Variants in ADAMTS6 observed in about 807,000 individuals in gnomAD.
ADAMTS6 encodes ADAM metallopeptidase with thrombospondin type 1 motif 6, also known as A disintegrin and metalloproteinase with thrombospondin motifs 6.
Under a neutral mutation model 144.3 loss-of-function variants are expected in ADAMTS6, and 23 were observed. The observed-to-expected ratio is 0.16, with a 90% CI of 0.11 to 0.23. The LOEUF (loss-of-function observed/expected upper bound fraction) is 0.23, where lower values mean the gene tolerates loss of function less well. Among genes scored for constraint, ADAMTS6 ranks in the 10% least tolerant of loss-of-function variants. ADAMTS6 has a pLI of 1.00. For synonymous variants in ADAMTS6, 444 were observed against 457.5 expected (o/e 0.97, Z 0.38); for missense variants, 999 against 1,379.6 (o/e 0.72, Z 4.37).
intron 7 of ADAMTS6, among the ~76,000 whole-genome samples, chr5:65,406,480 C>G (rs1411406917): frequency 6.6e-6 from 1 of 152,176 alleles, no homozygotes; most frequent in Non-Finnish European, 1.5e-5. Flanking sequence ...ACAAGCCTTG[C>G]ATCCCAGGGA....
chr5:65,417,629 T>C (rs769466805), intron 7 of ADAMTS6, among the ~76,000 whole-genome samples: 2 of 152,018 alleles, frequency 1.3e-5, no homozygotes, highest in Non-Finnish European at 2.9e-5. Context: ...CCACTTACAA[T>C]AGCCACATGC....
At chr5:65,406,283 T>C (rs1185046524) in intron 7 of ADAMTS6, among the ~76,000 whole-genome samples, 4 of 152,300 alleles carry the variant, frequency 2.6e-5, no homozygotes, top group South Asian at 2.1e-4. Context: ...GGCTGTGGGT[T>C]TGTCATAAAT....
chr5:65,255,431 A>G (rs181380185), intron 14 of ADAMTS6, among the ~76,000 whole-genome samples: 142 of 152,194 alleles, frequency 9.3e-4, no homozygotes, highest in African/African-American at 3.3e-3. Flanking sequence ...CAAGCCCTCA[A>G]AGTCCATTGC....
chr5:65,339,560 AT>A (rs1297782183), intron 7 of ADAMTS6, among the ~76,000 whole-genome samples: 13 of 152,128 alleles, frequency 8.5e-5, no homozygotes, highest in Admixed American at 7.8e-4. Flanking sequence ...ATTCAAAAAA[AT>A]AATCTTAAGG....
At chr5:65,192,862 A>G (rs1272802521) in intron 21 of ADAMTS6, among the ~76,000 whole-genome samples, 1 of 151,632 alleles carries the variant, frequency 6.6e-6, no homozygotes, top group Admixed American at 6.6e-5. Flanking sequence ...TGTTTTGTCT[A>G]TTTTTCCTAG....
chr5:65,470,692 A>ATT (rs869036346), intron 3 of ADAMTS6, 86 bp downstream of exon 3: 763 of 994,674 alleles, frequency 7.7e-4, no homozygotes, highest in Admixed American at 1.1e-3. Context: ...ATATATATAT[A>ATT]TTTTTTTTTT....
At chr5:65,309,446 G>A (rs1234330054) in intron 9 of ADAMTS6, among the ~76,000 whole-genome samples, 2 of 147,728 alleles carry the variant, frequency 1.4e-5, no homozygotes, top group African/African-American at 5.0e-5. Flanking sequence ...AGGCAGTAAT[G>A]TGGGCAATGT....
chr5:65,435,630 TA>T (rs1757330818), intron 7 of ADAMTS6, among the ~76,000 whole-genome samples: 1 of 129,288 alleles, frequency 7.7e-6, no homozygotes, highest in African/African-American at 2.7e-5. Flanking sequence ...AATTATATTT[TA>T]ATTTTTTTTT....
At chr5:65,253,218 C>T (rs1220501099) in intron 14 of ADAMTS6, among the ~76,000 whole-genome samples, 1 of 152,170 alleles carries the variant, frequency 6.6e-6, no homozygotes, top group Non-Finnish European at 1.5e-5. Context: ...TTGTAACTTA[C>T]ACTTTGAGCA....
intron 7 of ADAMTS6, among the ~76,000 whole-genome samples, chr5:65,396,312 T>C (rs749597773): frequency 6.6e-6 from 1 of 152,174 alleles, no homozygotes; most frequent in Non-Finnish European, 1.5e-5. Context: ...TGCCAAGAAT[T>C]AGAATGCTGT....
chr5:65,229,025 T>A (rs1475036662), intron 15 of ADAMTS6, among the ~76,000 whole-genome samples: 5 of 152,222 alleles, frequency 3.3e-5, no homozygotes, highest in Non-Finnish European at 7.3e-5. Flanking sequence ...CCCCAACTGC[T>A]GTAGGCCAGC....
chr5:65,163,503 GT>G (rs1752915880), intron 24 of ADAMTS6, among the ~76,000 whole-genome samples: 1 of 152,188 alleles, frequency 6.6e-6, no homozygotes, highest in Non-Finnish European at 1.5e-5. Context: ...AAGATGCAAG[GT>G]GTCTGGATCT....
At chr5:65,331,612 C>T (rs555240761) in intron 8 of ADAMTS6, among the ~76,000 whole-genome samples, 2 of 152,010 alleles carry the variant, frequency 1.3e-5, no homozygotes, top group African/African-American at 4.8e-5. Flanking sequence ...GTGTTAATGG[C>T]GATTTGATAA....
chr5:65,181,932 A>G (rs1754377916), intron 22 of ADAMTS6, among the ~76,000 whole-genome samples: 1 of 152,210 alleles, frequency 6.6e-6, no homozygotes, highest in South Asian at 2.1e-4. Flanking sequence ...AGTCTGGGAC[A>G]TACATCTCTT....
At chr5:65,313,702 T>C (rs1744719200) in intron 9 of ADAMTS6, among the ~76,000 whole-genome samples, 4 of 152,064 alleles carry the variant, frequency 2.6e-5, no homozygotes, top group Admixed American at 2.6e-4. Context: ...ACTATATAGC[T>C]TTGAAACTTA....
intron 13 of ADAMTS6, among the ~76,000 whole-genome samples, chr5:65,260,886 T>C (rs1485125412): frequency 1.3e-5 from 2 of 152,120 alleles, no homozygotes; most frequent in Non-Finnish European, 2.9e-5. Flanking sequence ...ATAGTACTAT[T>C]AATTTTGTAT....
rs1561554909 is a variant in ADAMTS6, at chr5:65,452,696, A to G, written c.843+11T>C. 6.2e-7 allele frequency: 1 copy of G among 1,613,536 alleles called. No individual in the cohort carries two copies. Among genetic ancestry groups the G allele is most frequent in the Admixed American group, 1.7e-5 (1 of 60,012 alleles). On this transcript the variant is annotated intron_variant, in intron 5 of 24. Transcript: ENST00000381055. ...ATGAAGTAAAATATTATATAGAGGG[A>G]TCAAACTTACAATATTCATCACACT...
chr5:65,379,551 T>C (rs1687219235), intron 7 of ADAMTS6, among the ~76,000 whole-genome samples: 1 of 152,208 alleles, frequency 6.6e-6, no homozygotes, highest in Non-Finnish European at 1.5e-5. Flanking sequence ...GCATATTCTG[T>C]TATGCTTACT....
At chr5:65,369,325 C>T (rs1394534738) in intron 7 of ADAMTS6, among the ~76,000 whole-genome samples, 1 of 152,126 alleles carries the variant, frequency 6.6e-6, no homozygotes, top group East Asian at 1.9e-4. Context: ...CTGGCTAGGG[C>T]AGAGTAGACT....
Sources: gnomAD v4.1 joint callset for allele counts (sites outside exome capture counted in the v4.1 genomes callset) on GRCh38, gnomAD v4.1.1 for gene constraint, MANE v1.5 for transcripts, NCBI Gene and HGNC (gene_info 2026-07-23, HGNC 2026-07-21) for gene names.